The following CAMTA1 variants were observed in gnomAD, a reference collection of about 807,000 sequenced individuals.
CAMTA1 encodes the protein calmodulin binding transcription activator 1.
A neutral mutation model predicts 170.9 loss-of-function variants in CAMTA1; 27 were observed. The ratio of observed to expected loss-of-function variants is 0.16; its 90% CI spans 0.12 to 0.22. CAMTA1 has a LOEUF of 0.22. Among genes scored for constraint, CAMTA1 ranks in the 10% least tolerant of loss-of-function variants. The pLI, the probability that CAMTA1 is intolerant of heterozygous loss-of-function variation, is 1.00. For synonymous variants in CAMTA1, 833 were observed against 891.5 expected (o/e 0.93, Z 1.17); for missense variants, 1,619 against 2,217.2 (o/e 0.73, Z 5.42).
chr1:6,985,577 A>G (rs1412135676), intron 3 of CAMTA1, among the ~76,000 whole-genome samples: 1 of 152,226 alleles, frequency 6.6e-6, no homozygotes, highest in African/African-American at 2.4e-5. Context: ...ATCTCTCTGC[A>G]TTTATTTTCT....
chr1:7,322,885 CA>C (rs1436688649), intron 5 of CAMTA1, among the ~76,000 whole-genome samples: 3 of 151,928 alleles, frequency 2.0e-5, no homozygotes, highest in African/African-American at 7.3e-5. Context: ...GCTTGTTTTC[CA>C]TGTCATAAAT....
rs2092321743 is a variant in CAMTA1, at chr1:7,435,620, G to T, written c.439-32210G>T. Among the ~76,000 whole-genome samples the T allele has an allele frequency of 6.6e-6, 1 of 152,190 alleles. No individual in the cohort carries two copies. Among genetic ancestry groups the T allele is most frequent in the African/African-American group, 2.4e-5 (1 of 41,452 alleles). On this transcript the variant is annotated intron_variant, in intron 5 of 22. Transcript: ENST00000303635. This position sits in a 1 kb window ranked among gnomAD's most constrained non-coding sequence, Gnocchi z 4.4. Reference sequence around the variant, plus strand: ...GCTTGGGGAAAGTCCCCCAGCTTTGGCGGAATCAGCGCCTCAGAAAGAACC... The same window carrying T: ...GCTTGGGGAAAGTCCCCCAGCTTTGTCGGAATCAGCGCCTCAGAAAGAACC...
In CAMTA1 at chr1:7,249,713, G is replaced by C. The variant is rs116487972; in HGVS notation, c.438+87G>C. 8.1e-4 allele frequency: 1,190 copies of C among 1,461,494 alleles called. 9 individuals carry two copies. The African/African-American group carries it at 0.015, about 18-fold the overall frequency. 90.5% of individuals were successfully genotyped at this position (1,461,494 alleles called of 1,614,324 possible). ...GGAATTGCTTGGAGTAATTTGATGC[G>C]AGTCACCTCTGTCCAAAGAATTTTT... On this transcript the variant is annotated intron_variant, in intron 5 of 22. Transcript: ENST00000303635. This position sits in a 1 kb window ranked among gnomAD's most constrained non-coding sequence, Gnocchi z 4.4.
intron 7 of CAMTA1, among the ~76,000 whole-genome samples, chr1:7,659,170 G>A (rs1198839291): frequency 6.6e-6 from 1 of 152,214 alleles, no homozygotes; most frequent in Non-Finnish European, 1.5e-5. Flanking sequence ...AGCACACACA[G>A]AGAAGGAAAG....
chr1:7,629,022 C>A (rs978184576), intron 6 of CAMTA1, among the ~76,000 whole-genome samples: 1 of 152,232 alleles, frequency 6.6e-6, no homozygotes, highest in Non-Finnish European at 1.5e-5. Context: ...ACAGGAGTTC[C>A]CTGTGCCCCT....
At chr1:6,840,176 G>A (rs1486996800) in intron 3 of CAMTA1, among the ~76,000 whole-genome samples, 2 of 152,114 alleles carry the variant, frequency 1.3e-5, no homozygotes, top group African/African-American at 4.8e-5. Flanking sequence ...TCCAGCCTGG[G>A]CAACAAGAGC....
At chr1:7,639,168 A>T (rs1461468081) in intron 6 of CAMTA1, among the ~76,000 whole-genome samples, 1 of 151,374 alleles carries the variant, frequency 6.6e-6, no homozygotes, top group East Asian at 1.9e-4. Context: ...TTTAGTAGAG[A>T]TGGGGTTTCA....
intron 5 of CAMTA1, among the ~76,000 whole-genome samples, chr1:7,290,342 C>T (rs943779785): frequency 9.2e-5 from 14 of 152,186 alleles, no homozygotes; most frequent in African/African-American, 1.2e-4. Flanking sequence ...TCTTTCCTTA[C>T]GGGTTGCCCC....
chr1:7,644,535 C>T (rs2095790070), intron 7 of CAMTA1, among the ~76,000 whole-genome samples: 1 of 152,108 alleles, frequency 6.6e-6, no homozygotes, highest in Non-Finnish European at 1.5e-5. Flanking sequence ...GATCGGCCAC[C>T]CTGGCTCCCT....
chr1:7,640,326 C>G, intron 6 of CAMTA1, 74 bp from the exon 7 acceptor site: 2 of 1,547,564 alleles, frequency 1.3e-6, no homozygotes, highest in Non-Finnish European at 1.8e-6. Context: ...CCTGCACCTG[C>G]GGGGTTGGGG....
intron 3 of CAMTA1, among the ~76,000 whole-genome samples, chr1:7,074,479 G>T (rs1056859074): frequency 6.6e-6 from 1 of 152,158 alleles, no homozygotes; most frequent in Admixed American, 6.5e-5. Flanking sequence ...TCCAACTGCT[G>T]TTAATGTTTT....
intron 6 of CAMTA1, among the ~76,000 whole-genome samples, chr1:7,498,401 GTA>G (rs2093877945): frequency 6.6e-6 from 1 of 151,570 alleles, no homozygotes; most frequent in South Asian, 2.1e-4. Context: ...GAGTGAATGT[GTA>G]TGAGTGTGTA....
intron 3 of CAMTA1, among the ~76,000 whole-genome samples, chr1:6,916,369 C>T (rs768785774): frequency 6.5e-4 from 99 of 152,142 alleles, no homozygotes; most frequent in African/African-American, 2.1e-3. Context: ...CAGGAGCCGC[C>T]GGCCGAGTTC....
chr1:7,491,097 C>T (rs992807926), intron 6 of CAMTA1, among the ~76,000 whole-genome samples: 1 of 152,164 alleles, frequency 6.6e-6, no homozygotes, highest in Non-Finnish European at 1.5e-5. Context: ...AAAAAGGAGG[C>T]TCTAGCATGG....
intron 3 of CAMTA1, among the ~76,000 whole-genome samples, chr1:6,833,332 GA>G (rs1487798756): frequency 6.6e-6 from 1 of 152,080 alleles, no homozygotes; most frequent in African/African-American, 2.4e-5. Context: ...TTTGTTGGAT[GA>G]ATTAACGTAA....
intron 3 of CAMTA1, among the ~76,000 whole-genome samples, chr1:6,826,204 A>G (rs1647087620): frequency 6.6e-6 from 1 of 152,172 alleles, no homozygotes; most frequent in Non-Finnish European, 1.5e-5. Flanking sequence ...ATGTGGATAA[A>G]AGTCTCTTTC....
At chr1:6,977,538 C>T (rs1276868339) in intron 3 of CAMTA1, among the ~76,000 whole-genome samples, 1 of 152,134 alleles carries the variant, frequency 6.6e-6, no homozygotes, top group Non-Finnish European at 1.5e-5. Context: ...GACGAGGTTT[C>T]ACCATGTCAG....
chr1:7,157,173 C>T (rs1646934677), intron 4 of CAMTA1, among the ~76,000 whole-genome samples: 1 of 151,742 alleles, frequency 6.6e-6, no homozygotes, highest in Admixed American at 6.6e-5. Flanking sequence ...GAAACCCCAT[C>T]TCTACTAAAA....
chr1:7,129,979 C>T (rs184957537), intron 4 of CAMTA1, among the ~76,000 whole-genome samples: 1,860 of 151,762 alleles, frequency 0.012, 34 homozygotes, highest in African/African-American at 0.042. Context: ...CTCTGTCACC[C>T]AGGCTGGAGT....
Sources: gnomAD v4.1 joint callset for allele counts (sites outside exome capture counted in the v4.1 genomes callset) on GRCh38, gnomAD v4.1.1 for gene constraint, Gnocchi (gnomAD v3.1) non-coding constraint, MANE v1.5 for transcripts, NCBI Gene and HGNC (gene_info 2026-07-23, HGNC 2026-07-21) for gene names.